Variants in PDE8B observed in about 807,000 individuals in gnomAD.
The protein encoded by PDE8B is high affinity cAMP-specific and IBMX-insensitive 3',5'-cyclic phosphodiesterase 8B.
PDE8B carries 26 observed loss-of-function variants against 101.3 expected under a neutral mutation model. The observed-to-expected ratio is 0.26, with a 90% confidence interval of 0.19 to 0.36. The LOEUF (loss-of-function observed/expected upper bound fraction) is 0.36, where lower values mean the gene tolerates loss of function less well. Among genes scored for constraint, PDE8B ranks in the 10% least tolerant of loss-of-function variants. The probability of loss-of-function intolerance (pLI) is 1.00; values close to 1 mark genes in which losing one functional copy is unlikely to be tolerated. For missense variants in PDE8B, 810 were observed against 1,163.1 expected (o/e 0.70, Z 4.42); for synonymous variants, 424 against 429.3 (o/e 0.99, Z 0.15).
the PDE8B span, among the ~76,000 whole-genome samples, chr5:77,148,777 T>C: frequency 6.6e-6 from 1 of 152,194 alleles, no homozygotes; most frequent in South Asian, 2.1e-4. Context: ...TGTGCAAAAG[T>C]CCTTTATCAA....
intron 1 of PDE8B, among the ~76,000 whole-genome samples, chr5:77,215,779 C>T (rs752001051): frequency 1.3e-4 from 20 of 152,072 alleles, no homozygotes; most frequent in Non-Finnish European, 2.6e-4. Context: ...GAGTGAGCCC[C>T]GTGGAACCAG....
chr5:77,322,858 A>G (rs6884627), intron 2 of PDE8B, among the ~76,000 whole-genome samples: 4,318 of 152,304 alleles, frequency 0.028, 196 homozygotes, highest in African/African-American at 0.096. Flanking sequence ...TATTTTGTTC[A>G]TCAACATACC....
the PDE8B span, among the ~76,000 whole-genome samples, chr5:77,149,440 G>A: frequency 6.6e-6 from 1 of 152,134 alleles, no homozygotes; most frequent in Non-Finnish European, 1.5e-5. Context: ...TGAACCTATA[G>A]ATCTATTTGA....
At chr5:77,346,955 A>C (rs1213878262) in intron 7 of PDE8B, among the ~76,000 whole-genome samples, 2 of 152,140 alleles carry the variant, frequency 1.3e-5, no homozygotes, top group African/African-American at 4.8e-5. Flanking sequence ...CACTCCAATC[A>C]AATAGTTAGA....
chr5:77,121,496 G>A, the PDE8B span, among the ~76,000 whole-genome samples: 2 of 148,880 alleles, frequency 1.3e-5, no homozygotes, highest in Non-Finnish European at 3.0e-5. Flanking sequence ...CAAGGAGAAG[G>A]GAATTAGGCT....
At chr5:77,331,058 C>G (rs1160429751) in intron 4 of PDE8B, among the ~76,000 whole-genome samples, 1 of 152,130 alleles carries the variant, frequency 6.6e-6, no homozygotes, top group Non-Finnish European at 1.5e-5. Context: ...ACAATTGTCT[C>G]CGAATGAACA....
chr5:77,303,962 A>G (rs999093959), intron 1 of PDE8B, among the ~76,000 whole-genome samples: 4 of 152,214 alleles, frequency 2.6e-5, no homozygotes, highest in East Asian at 3.8e-4. Flanking sequence ...TTAATAGACT[A>G]TGGATTCAGT....
chr5:77,346,642 A>C (rs1003976864), intron 7 of PDE8B, among the ~76,000 whole-genome samples: 3 of 152,240 alleles, frequency 2.0e-5, no homozygotes, highest in Non-Finnish European at 4.4e-5. Context: ...CAGGAGCATG[A>C]GGCCAGTATA....
At chr5:77,249,884 A>G (rs1412911793) in intron 1 of PDE8B, among the ~76,000 whole-genome samples, 1 of 152,256 alleles carries the variant, frequency 6.6e-6, no homozygotes, top group Non-Finnish European at 1.5e-5. Context: ...CTTGGAAAAA[A>G]CAGAGATTTG....
intron 10 of PDE8B, among the ~76,000 whole-genome samples, chr5:77,393,775 A>C (rs1476822085): frequency 6.6e-6 from 1 of 152,246 alleles, no homozygotes; most frequent in African/African-American, 2.4e-5. Context: ...CTATACCTGT[A>C]GAAATTCCTC....
rs150229133 is a variant in PDE8B, at chr5:77,256,500, T to G, written c.339+45236T>G. 4.9e-3 allele frequency among the ~76,000 whole-genome samples: 739 copies of G among 152,334 alleles called. 7 individuals are homozygous for G. The highest frequency in any genetic ancestry group is 0.017 in the African/African-American group (716 of 41,574). Reference sequence around the variant, plus strand: ...ATTTGCCATTATTCAGTCACGCATCTTGTAATGATGAACATTTAGGTTGTT... The same window carrying G: ...ATTTGCCATTATTCAGTCACGCATCGTGTAATGATGAACATTTAGGTTGTT... On this transcript the variant is annotated intron_variant, in intron 1 of 21. Coordinates refer to ENST00000264917, the MANE Select transcript of PDE8B (RefSeq NM_003719.5).
chr5:77,407,750 T>TA (rs1288191332), intron 13 of PDE8B, among the ~76,000 whole-genome samples: 1 of 152,104 alleles, frequency 6.6e-6, no homozygotes, highest in Non-Finnish European at 1.5e-5. Context: ...CATAAGATGT[T>TA]ACTCAGGAGA....
chr5:77,103,026 C>A, the PDE8B span, among the ~76,000 whole-genome samples: 1 of 152,198 alleles, frequency 6.6e-6, no homozygotes, highest in Admixed American at 6.5e-5. Flanking sequence ...ATGCCCTGGC[C>A]AAGCCAGAGA....
the PDE8B span, among the ~76,000 whole-genome samples, chr5:77,185,148 G>A: frequency 4.6e-5 from 7 of 152,212 alleles, no homozygotes; most frequent in Admixed American, 2.6e-4. Context: ...AACCTGATGC[G>A]TGGAGACAAG....
upstream of PDE8B, among the ~76,000 whole-genome samples, chr5:77,206,838 A>G (rs912107812): frequency 8.1e-4 from 124 of 152,308 alleles, no homozygotes; most frequent in African/African-American, 2.8e-3. Flanking sequence ...TGGATTCAGG[A>G]CTACTCTTTC....
chr5:77,362,343 G>A (rs1418358650), intron 10 of PDE8B, among the ~76,000 whole-genome samples: 4 of 152,088 alleles, frequency 2.6e-5, no homozygotes, highest in Non-Finnish European at 5.9e-5. Flanking sequence ...GAAATAATAA[G>A]AACAGCCCAT....
rs149747647 is a variant in PDE8B, at chr5:77,417,604, T to A, written c.1912-625T>A. Among the ~76,000 whole-genome samples, 33 of 152,340 alleles carry A rather than the reference T, an allele frequency of 2.2e-4. No homozygotes were observed. In the East Asian group the frequency reaches 6.2e-3, roughly 29 times the overall value. ...GGATGCTCTGGTTTGTTTCTTTAAT[T>A]ACATAATGAGAGCTTTCGAATTAGG... is the stretch of plus-strand genomic sequence containing the variant. On this transcript the variant is annotated intron_variant, in intron 17 of 21. Coordinates refer to ENST00000264917, the MANE Select transcript of PDE8B (RefSeq NM_003719.5).
intron 1 of PDE8B, among the ~76,000 whole-genome samples, chr5:77,295,031 A>G (rs937230059): frequency 6.6e-6 from 1 of 152,080 alleles, no homozygotes; most frequent in Non-Finnish European, 1.5e-5. Context: ...TTCTAGTAAC[A>G]TAATTGCACT....
chr5:77,307,751 C>T (rs557090748), intron 1 of PDE8B, among the ~76,000 whole-genome samples: 72 of 152,290 alleles, frequency 4.7e-4, no homozygotes, highest in African/African-American at 1.6e-3. Context: ...AGCAGTCCTT[C>T]CTCATTAGGC....
Sources: allele counts gnomAD v4.1 joint callset (sites outside exome capture counted in the v4.1 genomes callset), GRCh38; gene constraint gnomAD v4.1.1; transcripts MANE v1.5; gene names NCBI Gene and HGNC (gene_info 2026-07-23, HGNC 2026-07-21).